Variants in FLT3 observed in about 807,000 individuals in gnomAD.
The protein encoded by FLT3 is fms related receptor tyrosine kinase 3, also known as receptor-type tyrosine-protein kinase FLT3.
In FLT3, 46 loss-of-function variants were observed where a neutral mutation model predicts 126.6. That is an observed-to-expected ratio of 0.36 (90% CI 0.29 to 0.46). The LOEUF (loss-of-function observed/expected upper bound fraction) is 0.46, where lower values mean the gene tolerates loss of function less well. FLT3 is among the 20% of genes least tolerant of loss of function. The pLI is 1.00. For synonymous variants in FLT3, 404 were observed against 434.4 expected (o/e 0.93, Z 0.87); for missense variants, 1,069 against 1,190.3 (o/e 0.90, Z 1.50).
intron 9 of FLT3, 79 bp from the exon 10 acceptor site, chr13:28,037,367 G>T: frequency 1.2e-6 from 1 of 837,154 alleles, no homozygotes; most frequent in Non-Finnish European, 2.0e-6. Flanking sequence ...GTGCATGGGA[G>T]GTGTCTTCCT....
rs774036624 is a variant in FLT3 at position 28,077,071 on chromosome 13, AAAAG to A, written c.44-6463_44-6460del. On this transcript the variant is annotated intron_variant, in intron 1 of 23. Coordinates refer to ENST00000241453, the MANE Select transcript of FLT3 (RefSeq NM_004119.3). ...GAAGGAAGGAAGGGAAAGAAGAAAG[AAAAG>A]AAAGAAAGAAAGAAAAAGAGAAAAA... Among the ~76,000 whole-genome samples the A allele has an allele frequency of 6.3e-3, 799 of 127,690 alleles. 2 individuals carry two copies. Among genetic ancestry groups the A allele is most frequent in the Middle Eastern group, 7.6e-3 (2 of 262 alleles). The allele number at this position is 127,690 out of a possible 152,430, so 83.8% of individuals were successfully genotyped here. A position where few individuals can be genotyped will look rare whatever the true frequency, so the allele number is the denominator to read the frequency against.
chr13:28,025,260 G>A (rs538146567), intron 17 of FLT3: 20 of 400,998 alleles, frequency 5.0e-5, no homozygotes, highest in Non-Finnish European at 8.3e-5. Flanking sequence ...AGATAAATAT[G>A]ATTCGAGTGG....
At chr13:28,083,785 T>C (rs1472253685) in intron 1 of FLT3, among the ~76,000 whole-genome samples, 1 of 152,182 alleles carries the variant, frequency 6.6e-6, no homozygotes, top group African/African-American at 2.4e-5. Flanking sequence ...TAGTAATATT[T>C]CCATATTAAC....
At chr13:28,037,142 G>T in intron 10 of FLT3, 43 bp downstream of exon 10, 1 of 1,160,068 alleles carries the variant, frequency 8.6e-7, no homozygotes, top group Non-Finnish European at 1.3e-6. Context: ...AAAAAATTAA[G>T]GAATTAAAAA....
intron 15 of FLT3, among the ~76,000 whole-genome samples, chr13:28,029,263 G>A (rs1873101006): frequency 6.6e-6 from 1 of 152,154 alleles, no homozygotes; most frequent in African/African-American, 2.4e-5. Flanking sequence ...GTGCCGGTGC[G>A]TACCTGTAAT....
intron 1 of FLT3, among the ~76,000 whole-genome samples, chr13:28,084,551 G>T (rs1198933992): frequency 1.3e-5 from 2 of 151,684 alleles, no homozygotes; most frequent in Non-Finnish European, 2.9e-5. Context: ...TAGAGATGGG[G>T]ATTTGCCACC....
intron 1 of FLT3, among the ~76,000 whole-genome samples, chr13:28,073,636 C>G (rs1349151477): frequency 6.6e-6 from 1 of 151,992 alleles, no homozygotes; most frequent in Non-Finnish European, 1.5e-5. Context: ...TCACCACAAT[C>G]AAAATGGTGA....
chr13:28,065,831 GTAATAATAA>G (rs59880929), intron 2 of FLT3, among the ~76,000 whole-genome samples: 1 of 126,850 alleles, frequency 7.9e-6, no homozygotes, highest in Non-Finnish European at 1.7e-5. Flanking sequence ...TTGTCTCAAA[GTAATAATAA>G]TAATAATAAT....
chr13:28,069,121 C>A (rs941915813), intron 2 of FLT3, among the ~76,000 whole-genome samples: 4 of 152,060 alleles, frequency 2.6e-5, no homozygotes, highest in Non-Finnish European at 5.9e-5. Context: ...CAGAGCCAGG[C>A]AATGAAGGAT....
chr13:28,039,649 A>T (rs1317745615), intron 9 of FLT3, among the ~76,000 whole-genome samples: 1 of 150,804 alleles, frequency 6.6e-6, no homozygotes, highest in Non-Finnish European at 1.5e-5. Flanking sequence ...CCTGGGTTCA[A>T]GCAATTCTCC....
chr13:28,013,705 T>C (rs563900818), intron 23 of FLT3, among the ~76,000 whole-genome samples: 88 of 152,152 alleles, frequency 5.8e-4, no homozygotes, highest in Non-Finnish European at 1.1e-3. Flanking sequence ...ATGGACACAA[T>C]TGGGAGACAG....
chr13:28,023,558 G>A, intron 18 of FLT3, 81 bp from the exon 19 acceptor site: 1 of 1,497,864 alleles, frequency 6.7e-7, no homozygotes, highest in Non-Finnish European at 9.2e-7. Flanking sequence ...GGTTATTCAA[G>A]CCAGAGTTAG....
intron 4 of FLT3, among the ~76,000 whole-genome samples, chr13:28,056,140 T>G (rs1257141527): frequency 6.6e-6 from 1 of 152,154 alleles, no homozygotes. Flanking sequence ...GTTAGTAGCT[T>G]TGACAGCAAG....
intron 21 of FLT3, 38 bp downstream of exon 21, chr13:28,015,552 G>T: frequency 1.6e-6 from 2 of 1,256,470 alleles, no homozygotes; most frequent in Non-Finnish European, 2.3e-6. Flanking sequence ...AGGATGCAAA[G>T]CCAGGAGCCA....
intron 10 of FLT3, among the ~76,000 whole-genome samples, chr13:28,036,252 G>A (rs765924506): frequency 2.0e-5 from 3 of 152,304 alleles, no homozygotes; most frequent in Non-Finnish European, 4.4e-5. Flanking sequence ...TAGTTTCAAA[G>A]TTGCCTACAG....
At chr13:28,025,287 G>A (rs572899123) in intron 17 of FLT3, 109 of 399,056 alleles carry the variant, frequency 2.7e-4, no homozygotes, top group African/African-American at 2.0e-3. Flanking sequence ...GACTCACATC[G>A]ATCTCATTCT....
At position 28,015,699 on chromosome 13, in the gene FLT3, G is replaced by T; in HGVS notation, c.2544C>A (p.Ala848=). ...SDSNYVVRGN[A]RLPVKWMAPE... ...GGGCCATCCATTTTACAGGCAGACG[G>T]GCCTGTGGAAAACCCAGAGGAGATA... The change falls in exon 21 of 24, where the codon GCC becomes GCA. Residue 848 remains alanine (A), a splice_region_variant and synonymous_variant. Transcript: ENST00000241453. 1 of 1,601,184 alleles carries T rather than the reference G, an allele frequency of 6.2e-7. No homozygotes were observed.
Position 28,083,966 on chromosome 13 carries a change from T to C in FLT3, c.44-13354A>G, listed in dbSNP as rs2137813867. ...TAATTTCTAATTTTTTTGTTTTCTTTTTCTTTGATTTTTCACCCTGATGAT... is the reference window on the plus strand; with the variant it reads ...TAATTTCTAATTTTTTTGTTTTCTTCTTCTTTGATTTTTCACCCTGATGAT... On this transcript the variant is annotated intron_variant, in intron 1 of 23. Transcript: ENST00000241453. Among the ~76,000 whole-genome samples, 2 of 152,184 alleles carry C rather than the reference T, an allele frequency of 1.3e-5. 1 individual carries two copies. Among genetic ancestry groups the C allele is most frequent in the East Asian group, 3.9e-4 (2 of 5,186 alleles).
chr13:28,003,819 A>G lies in FLT3; in HGVS notation c.*233T>C, dbSNP rs1870642907. 1.8e-6 allele frequency: 1 copy of G among 544,992 alleles called. No individual in the cohort carries two copies. The highest frequency in any genetic ancestry group is 1.9e-5 in the African/African-American group (1 of 53,170). The allele number at this position is 544,992 out of a possible 1,614,324, so 33.8% of individuals were successfully genotyped here. A position where few individuals can be genotyped will look rare whatever the true frequency, so the allele number is the denominator to read the frequency against. ...CCTGAGAAGGCCTTGGATGCAGATC[A>G]ATGCTCCAATAAAGTTCATTATCAG... is the stretch of plus-strand genomic sequence containing the variant. On this transcript the variant is annotated 3_prime_UTR_variant, in exon 24 of 24. Coordinates refer to ENST00000241453, the MANE Select transcript of FLT3 (RefSeq NM_004119.3).
Sources: allele counts gnomAD v4.1 joint callset (sites outside exome capture counted in the v4.1 genomes callset), GRCh38; gene constraint gnomAD v4.1.1; transcripts MANE v1.5; gene names NCBI Gene and HGNC (gene_info 2026-07-23, HGNC 2026-07-21).